The following ACLY variants were observed in gnomAD, a reference collection of about 807,000 sequenced individuals.
ACLY encodes ATP-citrate synthase.
ACLY carries 41 observed loss-of-function variants against 133.0 expected under a neutral mutation model. The ratio of observed to expected loss-of-function variants is 0.31; its 90% CI spans 0.24 to 0.40. ACLY has a LOEUF of 0.40. Ranked by LOEUF, ACLY falls within the 10% of genes least tolerant of loss-of-function variation. ACLY has a pLI of 1.00. For synonymous variants in ACLY, 495 were observed against 549.3 expected, an observed-to-expected ratio of 0.90 and a Z score of 1.38; for missense variants, 1,046 against 1,453.8, an observed-to-expected ratio of 0.72 and a Z score of 4.56.
At chr17:41,918,833 C>T (rs782343514) in intron 1 of ACLY, 47 bp downstream of exon 1, 2 of 1,283,772 alleles carry the variant, frequency 1.6e-6, no homozygotes, top group South Asian at 2.5e-5. Flanking sequence ...CAGGAAGCTC[C>T]TAGGGCGAGC....
At chr17:41,930,179 G>C (rs2050300829) in intron 1 of ACLY, among the ~76,000 whole-genome samples, 1 of 152,210 alleles carries the variant, frequency 6.6e-6, no homozygotes, top group Admixed American at 6.5e-5. Flanking sequence ...GCATCCCTGA[G>C]TGTTCCATTA....
At chr17:41,880,247 TGATTTATC>T (rs2048879052) in intron 20 of ACLY, among the ~76,000 whole-genome samples, 1 of 152,190 alleles carries the variant, frequency 6.6e-6, no homozygotes, top group Non-Finnish European at 1.5e-5. Context: ...ATGGGTAAAG[TGATTTATC>T]CCAGGTCACA....
At chr17:41,896,714 G>C (rs2049377769) in intron 13 of ACLY, 65 bp from the exon 14 acceptor site, 1 of 1,455,022 alleles carries the variant, frequency 6.9e-7, no homozygotes, top group Non-Finnish European at 9.3e-7. Context: ...TGGAGGGAGA[G>C]GGTGGGAACA....
chr17:41,869,504 T>G lies in ACLY; in HGVS notation c.3021A>C (p.Ala1007=). ...AGGTGGTAATCTTCTCTACTTCCAG[T>G]GCATAATCGAGCAGAGGAGTGGCAG... is the stretch of plus-strand genomic sequence containing the variant. The part of the protein sequence containing the change: ...HFPATPLLDY[A]LEVEKITTSK... Residue 1007 remains alanine, a synonymous_variant, in exon 26 of 29, where the codon GCA becomes GCC. Transcript: ENST00000352035. 1 of 1,614,110 alleles carries G rather than the reference T, an allele frequency of 6.2e-7. No homozygotes were observed. The highest frequency in any genetic ancestry group is 8.5e-7 in the Non-Finnish European group (1 of 1,180,010).
chr17:41,906,052 AT>A (rs1223084164), intron 8 of ACLY, among the ~76,000 whole-genome samples: 13 of 152,368 alleles, frequency 8.5e-5, no homozygotes, highest in African/African-American at 3.1e-4. Flanking sequence ...CAGATTGCAC[AT>A]CTAGAAGTGA....
intron 16 of ACLY, among the ~76,000 whole-genome samples, chr17:41,891,697 CTTTA>C (rs2049217960): frequency 6.6e-6 from 1 of 151,784 alleles, no homozygotes; most frequent in Non-Finnish European, 1.5e-5. Flanking sequence ...TTTTATTTTA[CTTTA>C]TTTAATTTTT....
chr17:41,917,140 A>G (rs2050073029), intron 1 of ACLY, among the ~76,000 whole-genome samples: 1 of 151,308 alleles, frequency 6.6e-6, no homozygotes, highest in African/African-American at 2.4e-5. Flanking sequence ...GTCTCAAAAA[A>G]AAAAAAAAAA....
At position 41,883,238 on chromosome 17, in the gene ACLY, A is replaced by G; in HGVS notation, c.2155-6T>C. On this transcript the variant is annotated splice_polypyrimidine_tract_variant and splice_region_variant and intron_variant, in intron 19 of 28. Coordinates refer to ENST00000352035, the MANE Select transcript of ACLY (RefSeq NM_001096.3). ...TATTCCTCAGTGCCCCCAATCTGCCAAGGAATGGGGAATGAGAAAAAGCCA... is the reference window on the plus strand; with the variant it reads ...TATTCCTCAGTGCCCCCAATCTGCCGAGGAATGGGGAATGAGAAAAAGCCA... 6.2e-7 allele frequency: 1 copy of G among 1,612,538 alleles called. No homozygotes were observed. The highest frequency in any genetic ancestry group is 8.5e-7 in the Non-Finnish European group (1 of 1,179,076).
chr17:41,868,187 C>T (rs1314222762), intron 28 of ACLY, among the ~76,000 whole-genome samples: 1 of 151,206 alleles, frequency 6.6e-6, no homozygotes, highest in East Asian at 1.9e-4. Flanking sequence ...GCCTGTAATC[C>T]CAGCACTTTG....
intron 21 of ACLY, among the ~76,000 whole-genome samples, chr17:41,878,399 T>G (rs577685429): frequency 1.4e-4 from 22 of 152,222 alleles, no homozygotes; most frequent in Admixed American, 1.1e-3. Flanking sequence ...TGTCCCAATC[T>G]CTGGATGGCA....
chr17:41,878,791 A>T lies in ACLY; in HGVS notation c.2393+6T>A. On this transcript the variant is annotated splice_donor_region_variant and intron_variant, in intron 21 of 28. Coordinates refer to ENST00000352035, the MANE Select transcript of ACLY (RefSeq NM_001096.3). ...GAGGCCGGCATCCTCCCCAAGGTCC[A>T]CTTACTGGATGATCTCTCCAAGCTC... The T allele has an allele frequency of 6.2e-7, 1 of 1,613,706 alleles. No individual in the cohort carries two copies.
chr17:41,901,354 G>C (rs1354812113), intron 11 of ACLY, among the ~76,000 whole-genome samples: 1 of 152,014 alleles, frequency 6.6e-6, no homozygotes, highest in East Asian at 1.9e-4. Context: ...CCTGGCACTC[G>C]GCACCCCCTG....
intron 14 of ACLY, among the ~76,000 whole-genome samples, chr17:41,894,940 G>T (rs2049324644): frequency 6.6e-6 from 1 of 152,128 alleles, no homozygotes; most frequent in African/African-American, 2.4e-5. Context: ...CCCTGTACAG[G>T]CCTGCCTCTT....
At chr17:41,922,020 AC>A (rs2050189501), upstream of ACLY, among the ~76,000 whole-genome samples, 1 of 151,858 alleles carries the variant, frequency 6.6e-6, no homozygotes, top group Admixed American at 6.6e-5. Flanking sequence ...ACATGGCAAA[AC>A]CCATCTCTAC....
rs782275584 is a variant in ACLY at position 41,912,421 on chromosome 17, G to A, written c.281C>T (p.Thr94Ile). ...CATCCTGACCCCATGCCCACTCACT[G>A]TGGCTTCCTGTCCCAGCCGTGGCTT... ...WLKPRLGQEA[T>I]VGKATGFLKN... Residue 94 changes from threonine to isoleucine, a missense_variant and splice_region_variant, in exon 3 of 29, where the codon ACA becomes ATA. By Grantham distance (89) the Thr-to-Ile change is moderately conservative. Coordinates refer to ENST00000352035, the MANE Select transcript of ACLY (RefSeq NM_001096.3). The A allele has an allele frequency of 3.7e-6, 6 of 1,613,886 alleles. No individual in the cohort carries two copies. The African/African-American group carries it at 5.3e-5, about 14-fold the overall frequency.
At chr17:41,893,386 C>A (rs566783560) in intron 14 of ACLY, among the ~76,000 whole-genome samples, 1 of 152,288 alleles carries the variant, frequency 6.6e-6, no homozygotes, top group East Asian at 1.9e-4. Flanking sequence ...AAGAGCAAAT[C>A]AAGCTAAGAG....
chr17:41,915,206 G>C (rs1555634316), intron 1 of ACLY, among the ~76,000 whole-genome samples: 1 of 152,168 alleles, frequency 6.6e-6, no homozygotes, highest in Admixed American at 6.6e-5. Flanking sequence ...CCATTCTCCT[G>C]TGGGTAACTC....
Position 41,896,635 on chromosome 17 carries a change from G to C in ACLY, c.1444C>G (p.Pro482Ala). ...PAMPQDSVPS[P>A]RSLQGKSTTL... is the part of the protein sequence containing the mutation. ...GGCATCCTACCTTGCAGGGATCTTG[G>C]ACTTGGGACTGAATCTGTCAAAGAA... The change falls in exon 14 of 29, where the codon CCA (proline) becomes GCA (alanine). Residue 482 changes from proline to alanine, a missense_variant. Physicochemically the swap from Pro to Ala is conservative, Grantham distance 27. Around this residue, in one of 4 missense-constraint regions of ACLY, gnomAD observed 575 missense variants for 804.2 expected, o/e 0.71. Coordinates refer to ENST00000352035, the MANE Select transcript of ACLY (RefSeq NM_001096.3). 6.4e-7 allele frequency: 1 copy of C among 1,572,978 alleles called. No individual in the cohort carries two copies. Among genetic ancestry groups the C allele is most frequent in the Non-Finnish European group, 8.6e-7 (1 of 1,158,604 alleles).
intron 10 of ACLY, among the ~76,000 whole-genome samples, chr17:41,902,417 T>C (rs2049566831): frequency 6.6e-6 from 1 of 152,190 alleles, no homozygotes; most frequent in African/African-American, 2.4e-5. Flanking sequence ...CTTCACCATA[T>C]TGGTTAGGCT....
Sources: gnomAD v4.1 joint callset for allele counts (sites outside exome capture counted in the v4.1 genomes callset) on GRCh38, gnomAD v4.1.1 for gene constraint, gnomAD v4.1.1 regional missense constraint, MANE v1.5 for transcripts, NCBI Gene and HGNC (gene_info 2026-07-23, HGNC 2026-07-21) for gene names.